Variants in CD226 observed in about 807,000 individuals in gnomAD.
CD226 encodes CD226 antigen.
A neutral mutation model predicts 34.9 loss-of-function variants in CD226; 24 were observed. The ratio of observed to expected loss-of-function variants is 0.69; its 90% CI spans 0.50 to 0.97. The LOEUF (loss-of-function observed/expected upper bound fraction) is 0.97. Ranked by LOEUF, CD226 falls within the 50% of genes least tolerant of loss-of-function variation. CD226 has a pLI of 0.00. For synonymous variants in CD226, 148 were observed against 147.4 expected, an observed-to-expected ratio of 1.00 and a Z score of -0.03; for missense variants, 397 against 412.7, an observed-to-expected ratio of 0.96 and a Z score of 0.33.
chr18:69,888,982 T>G (rs1301419824), intron 3 of CD226, among the ~76,000 whole-genome samples: 1 of 152,106 alleles, frequency 6.6e-6, no homozygotes, highest in Non-Finnish European at 1.5e-5. Flanking sequence ...AAAAAATGAA[T>G]AGATCAATAC....
At chr18:69,937,468 A>G (rs1415189817) in intron 2 of CD226, among the ~76,000 whole-genome samples, 1 of 152,190 alleles carries the variant, frequency 6.6e-6, no homozygotes, top group Non-Finnish European at 1.5e-5. Flanking sequence ...AGGTAAAATA[A>G]AATTATATCC....
intron 2 of CD226, among the ~76,000 whole-genome samples, chr18:69,920,321 T>G (rs1033437772): frequency 6.6e-6 from 1 of 152,254 alleles, no homozygotes; most frequent in Non-Finnish European, 1.5e-5. Flanking sequence ...GTCTCTTTGT[T>G]CTTCACATTA....
chr18:69,958,788 A>AACACACACACACACACACACACACAC (rs59835947), upstream of CD226, among the ~76,000 whole-genome samples: 3 of 143,706 alleles, frequency 2.1e-5, no homozygotes, highest in African/African-American at 7.7e-5. Context: ...TTCACAGGCA[A>AACACACACACACACACACACACACAC]ACACACACAC....
intron 2 of CD226, among the ~76,000 whole-genome samples, chr18:69,906,731 T>C (rs2055258711): frequency 6.6e-6 from 1 of 152,140 alleles, no homozygotes; most frequent in South Asian, 2.1e-4. Context: ...AAATGACGAA[T>C]GGGAAGAACT....
chr18:69,896,428 A>G (rs535368107), intron 2 of CD226, among the ~76,000 whole-genome samples: 2 of 152,168 alleles, frequency 1.3e-5, no homozygotes, highest in South Asian at 2.1e-4. Context: ...TGATCCGCCC[A>G]CCTCGGCCTC....
intron 2 of CD226, among the ~76,000 whole-genome samples, chr18:69,916,349 T>C (rs527584644): frequency 6.6e-6 from 1 of 152,302 alleles, no homozygotes; most frequent in Admixed American, 6.5e-5. Flanking sequence ...AAGAATAATT[T>C]AGTATGACAT....
intron 1 of CD226, among the ~76,000 whole-genome samples, chr18:69,954,217 A>G (rs914825113): frequency 2.6e-5 from 4 of 152,170 alleles, no homozygotes; most frequent in African/African-American, 4.8e-5. Flanking sequence ...CAAAGATGCC[A>G]AGTACATTCT....
intron 2 of CD226, among the ~76,000 whole-genome samples, chr18:69,906,836 T>G (rs2055260055): frequency 1.3e-5 from 2 of 152,214 alleles, no homozygotes; most frequent in Non-Finnish European, 2.9e-5. Flanking sequence ...GGAGCCGGGC[T>G]TGACTCGGAC....
At chr18:69,918,416 G>C (rs1370335636) in intron 2 of CD226, among the ~76,000 whole-genome samples, 1 of 152,186 alleles carries the variant, frequency 6.6e-6, no homozygotes, top group Admixed American at 6.5e-5. Context: ...AAATTAGCCA[G>C]GTGTGGTGGC....
At chr18:69,948,746 A>G (rs1279515327), upstream of CD226, among the ~76,000 whole-genome samples, 1 of 152,184 alleles carries the variant, frequency 6.6e-6, no homozygotes, top group African/African-American at 2.4e-5. Context: ...TCTGTTTTGT[A>G]AATAAGTCAA....
At chr18:69,955,479 G>A (rs1191575600) in intron 1 of CD226, among the ~76,000 whole-genome samples, 2 of 152,132 alleles carry the variant, frequency 1.3e-5, no homozygotes, top group South Asian at 4.1e-4. Context: ...TAGTGTGAGA[G>A]GTCGTTTGCT....
In CD226 at chr18:69,946,841, G is replaced by T; in HGVS notation, c.275C>A (p.Thr92Asn). ...TTCAGAGGCATTCCGAAAGAAAAGA[G>T]TCATGTTATTGGAAGCCATCGTTGA... Reference protein sequence around the residue: ...LNSTMASNNMTLFFRNASEDD... With the variant: ...LNSTMASNNMNLFFRNASEDD... The change falls in exon 2 of 6, where the codon ACT becomes AAT. Residue 92 changes from threonine (T) to asparagine (N), a missense_variant. By Grantham distance (65) the Thr-to-Asn change is moderately conservative. Coordinates refer to ENST00000582621, the MANE Select transcript of CD226 (RefSeq NM_001303618.2). 2 of 1,614,108 alleles carry T rather than the reference G, an allele frequency of 1.2e-6. No homozygotes were observed. Among genetic ancestry groups the T allele is most frequent in the Non-Finnish European group, 1.7e-6 (2 of 1,179,972 alleles).
At chr18:69,868,715 C>G (rs1281974955) in intron 4 of CD226, among the ~76,000 whole-genome samples, 1 of 152,124 alleles carries the variant, frequency 6.6e-6, no homozygotes, top group African/African-American at 2.4e-5. Flanking sequence ...TTGTGGTTCA[C>G]AAGGCTTGCT....
chr18:69,870,389 C>A (rs1983446251), intron 4 of CD226, among the ~76,000 whole-genome samples: 1 of 150,072 alleles, frequency 6.7e-6, no homozygotes, highest in Non-Finnish European at 1.5e-5. Context: ...ATTCTCCTGT[C>A]TCAGCCTCCT....
upstream of CD226, among the ~76,000 whole-genome samples, chr18:69,950,574 G>C (rs2055844247): frequency 6.6e-6 from 1 of 152,172 alleles, no homozygotes; most frequent in African/African-American, 2.4e-5. Flanking sequence ...TGCAGAAGCA[G>C]GAGGCTGTGG....
intron 1 of CD226, among the ~76,000 whole-genome samples, chr18:69,955,479 G>C (rs1191575600): frequency 6.6e-6 from 1 of 152,132 alleles, no homozygotes; most frequent in African/African-American, 2.4e-5. Flanking sequence ...TAGTGTGAGA[G>C]GTCGTTTGCT....
chr18:69,864,008 T>C lies in CD226; in HGVS notation c.*306A>G. ...GGATTCAGAAGCCAGTTTATGCCCA[T>C]ACTTAATTCTAGACACAACATTTAA... On this transcript the variant is annotated 3_prime_UTR_variant, in exon 6 of 6. Coordinates refer to ENST00000582621, the MANE Select transcript of CD226 (RefSeq NM_001303618.2). 2 of 205,928 alleles carry C rather than the reference T, an allele frequency of 9.7e-6. No homozygotes were observed. Among genetic ancestry groups the C allele is most frequent in the Non-Finnish European group, 1.9e-5 (2 of 103,042 alleles). The allele number at this position is 205,928 out of a possible 1,614,324, so 12.8% of individuals were successfully genotyped here.
At chr18:69,907,048 A>G (rs1471936101) in intron 2 of CD226, among the ~76,000 whole-genome samples, 1 of 152,082 alleles carries the variant, frequency 6.6e-6, no homozygotes, top group Non-Finnish European at 1.5e-5. Context: ...ACCCTGGTAG[A>G]GTTTGCTTTT....
rs1011213090 is a variant in CD226 at position 69,862,078 on chromosome 18, T to C, written c.*2236A>G. ...GGAAAAAGAGACAAGTTCCAAATGT[T>C]CTGGAGGCTTTGCAATACTGCAGTG... On this transcript the variant is annotated 3_prime_UTR_variant, in exon 6 of 6. Coordinates refer to ENST00000582621, the MANE Select transcript of CD226 (RefSeq NM_001303618.2). 9.2e-5 allele frequency: 14 copies of C among 152,124 alleles called. No homozygotes were observed. The highest frequency in any genetic ancestry group is 6.5e-4 in the Admixed American group (10 of 15,270). 9.4% of individuals were successfully genotyped at this position (152,124 alleles called of 1,614,324 possible).
Sources: gnomAD v4.1 joint callset for allele counts (sites outside exome capture counted in the v4.1 genomes callset) on GRCh38, gnomAD v4.1.1 for gene constraint, MANE v1.5 for transcripts, NCBI Gene and HGNC (gene_info 2026-07-23, HGNC 2026-07-21) for gene names.